Variants in SEMA3A observed in about 807,000 individuals in gnomAD.
The protein encoded by SEMA3A is semaphorin-3A.
Under a neutral mutation model 97.9 loss-of-function variants are expected in SEMA3A, and 29 were observed. The observed-to-expected ratio is 0.30, with a 90% CI of 0.22 to 0.40. The LOEUF (loss-of-function observed/expected upper bound fraction) is 0.40, where lower values mean the gene tolerates loss of function less well. SEMA3A is among the 10% of genes least tolerant of loss of function. SEMA3A has a pLI of 1.00. For missense variants in SEMA3A, 763 were observed against 951.3 expected, an observed-to-expected ratio of 0.80 and a Z score of 2.60; for synonymous variants, 321 against 323.7, an observed-to-expected ratio of 0.99 and a Z score of 0.09.
At chr7:84,417,272 A>G (rs530408825) in intron 1 of SEMA3A, among the ~76,000 whole-genome samples, 89 of 152,248 alleles carry the variant, frequency 5.8e-4, no homozygotes, top group Middle Eastern at 3.4e-3. Context: ...ATAGAAAGCT[A>G]CAGTGTTGTT....
chr7:84,150,461 A>G (rs919447228), intron 1 of SEMA3A, among the ~76,000 whole-genome samples: 43 of 152,234 alleles, frequency 2.8e-4, no homozygotes, highest in South Asian at 1.5e-3. Flanking sequence ...CCCTTTCCTA[A>G]TCAAAGAAAG....
intron 3 of SEMA3A, among the ~76,000 whole-genome samples, chr7:84,202,539 T>C (rs1282557696): frequency 6.6e-6 from 1 of 152,180 alleles, no homozygotes; most frequent in South Asian, 2.1e-4. Context: ...AGTCTCTTTC[T>C]TGGGCTGTTG....
At chr7:84,492,323 A>C (rs1490413885) in intron 1 of SEMA3A, 2 of 152,108 alleles carry the variant, frequency 1.3e-5, no homozygotes, top group Non-Finnish European at 2.9e-5. Flanking sequence ...GCAAAATGAA[A>C]CTGGAGAAAT....
chr7:84,141,929 T>A (rs1403555803), intron 1 of SEMA3A, among the ~76,000 whole-genome samples: 1 of 152,150 alleles, frequency 6.6e-6, no homozygotes, highest in Non-Finnish European at 1.5e-5. Context: ...ACAAGATGCA[T>A]GTACTTGAGC....
chr7:84,312,594 C>A (rs952633979), intron 2 of SEMA3A, among the ~76,000 whole-genome samples: 2 of 150,500 alleles, frequency 1.3e-5, no homozygotes, highest in Admixed American at 6.7e-5. Flanking sequence ...TGTATATATA[C>A]CTTATGAAAC....
intron 12 of SEMA3A, among the ~76,000 whole-genome samples, chr7:83,992,937 T>C (rs1232291683): frequency 3.1e-5 from 4 of 128,534 alleles, no homozygotes; most frequent in African/African-American, 1.2e-4. Flanking sequence ...CTCCCATTAC[T>C]AATGTGTGGG....
At chr7:84,007,128 A>C (rs1790698929) in intron 10 of SEMA3A, among the ~76,000 whole-genome samples, 1 of 152,186 alleles carries the variant, frequency 6.6e-6, no homozygotes, top group Non-Finnish European at 1.5e-5. Context: ...ATAATTTTAG[A>C]TTTATATCTT....
intron 3 of SEMA3A, among the ~76,000 whole-genome samples, chr7:84,292,160 C>T (rs1800763491): frequency 6.6e-6 from 1 of 152,042 alleles, no homozygotes; most frequent in African/African-American, 2.4e-5. Flanking sequence ...CATTATTTCC[C>T]TCTATTTTCA....
intron 2 of SEMA3A, among the ~76,000 whole-genome samples, chr7:84,316,949 C>A (rs572330146): frequency 1.3e-5 from 2 of 152,154 alleles, no homozygotes; most frequent in East Asian, 3.9e-4. Context: ...ACGCCCAGCA[C>A]AAAGCTTGTG....
chr7:84,478,729 A>G (rs1806367203), intron 1 of SEMA3A, among the ~76,000 whole-genome samples: 1 of 152,022 alleles, frequency 6.6e-6, no homozygotes, highest in Non-Finnish European at 1.5e-5. Context: ...AATTTCATTT[A>G]TTCTTTTTCT....
rs1562939242 is a variant in SEMA3A, at chr7:83,959,727, AATAAG to A, written c.*1639_*1643del. ...TTTCAATGTTGCTTCATTAATTACT[AATAAG>A]ATGTTTTCTTTGCATTTTTGTGCAT... On this transcript the variant is annotated 3_prime_UTR_variant, in exon 17 of 17. Coordinates refer to ENST00000265362, the MANE Select transcript of SEMA3A (RefSeq NM_006080.3). 1 of 152,116 alleles carries A rather than the reference AATAAG, an allele frequency of 6.6e-6. No homozygotes were observed. Among genetic ancestry groups the A allele is most frequent in the Non-Finnish European group, 1.5e-5 (1 of 67,966 alleles). The allele number at this position is 152,116 out of a possible 1,614,324, so 9.4% of individuals were successfully genotyped here. A position where few individuals can be genotyped will look rare whatever the true frequency, so the allele number is the denominator to read the frequency against.
At chr7:84,409,955 T>G (rs1584302218) in intron 1 of SEMA3A, among the ~76,000 whole-genome samples, 1 of 152,262 alleles carries the variant, frequency 6.6e-6, no homozygotes, top group Non-Finnish European at 1.5e-5. Context: ...TAAATTTTAC[T>G]TAATCTTTTC....
chr7:84,127,430 A>G (rs568116050), intron 3 of SEMA3A, among the ~76,000 whole-genome samples: 1 of 152,084 alleles, frequency 6.6e-6, no homozygotes, highest in African/African-American at 2.4e-5. Context: ...ATTTCCACTT[A>G]TCCTTGTATT....
chr7:84,197,644 G>A (rs74997124), upstream of SEMA3A, among the ~76,000 whole-genome samples: 1 of 151,800 alleles, frequency 6.6e-6, no homozygotes, highest in African/African-American at 2.4e-5. Context: ...AGGTATGGGT[G>A]GACCTGGATG....
intron 6 of SEMA3A, among the ~76,000 whole-genome samples, chr7:84,036,727 T>C (rs1296599815): frequency 6.6e-6 from 1 of 152,168 alleles, no homozygotes; most frequent in Non-Finnish European, 1.5e-5. Context: ...ATTAATAATG[T>C]AGCTATTTTA....
chr7:84,487,074 A>G (rs1417813320), intron 1 of SEMA3A, among the ~76,000 whole-genome samples: 1 of 152,312 alleles, frequency 6.6e-6, no homozygotes, highest in East Asian at 1.9e-4. Flanking sequence ...GCTAACTTCT[A>G]CTGTGAACAT....
chr7:84,073,853 TA>T (rs1793837471), intron 4 of SEMA3A, among the ~76,000 whole-genome samples: 1 of 93,006 alleles, frequency 1.1e-5, no homozygotes. Flanking sequence ...AGCTATGGCT[TA>T]AAAAAAGCTA....
chr7:84,160,273 CT>C (rs1796990028), intron 1 of SEMA3A, among the ~76,000 whole-genome samples: 1 of 132,758 alleles, frequency 7.5e-6, no homozygotes, highest in Admixed American at 7.6e-5. Context: ...ATCTATCTAT[CT>C]ATCGTTAGTT....
chr7:84,085,290 C>A (rs888800146), intron 4 of SEMA3A, among the ~76,000 whole-genome samples: 4 of 149,398 alleles, frequency 2.7e-5, no homozygotes, highest in Non-Finnish European at 4.4e-5. Context: ...TTAGGAGGAG[C>A]AAAGGGAGGA....
Sources: allele counts gnomAD v4.1 joint callset (sites outside exome capture counted in the v4.1 genomes callset), GRCh38; gene constraint gnomAD v4.1.1; transcripts MANE v1.5; gene names NCBI Gene and HGNC (gene_info 2026-07-23, HGNC 2026-07-21).